PSD3: variants seen among roughly 807,000 people sequenced by gnomAD.
The protein encoded by PSD3 is PH and SEC7 domain-containing protein 3.
Under a neutral mutation model 105.5 loss-of-function variants are expected in PSD3, and 49 were observed. That is an observed-to-expected ratio of 0.46 (90% CI 0.37 to 0.59). PSD3 has a LOEUF of 0.59. PSD3 is among the 20% of genes least tolerant of loss of function. The pLI is 0.00. For synonymous variants in PSD3, 557 were observed against 457.8 expected (o/e 1.22, Z -2.77); for missense variants, 1,561 against 1,263.8 (o/e 1.24, Z -3.57).
chr8:18,795,903 G>C (rs1429059541), intron 8 of PSD3, among the ~76,000 whole-genome samples: 2 of 152,214 alleles, frequency 1.3e-5, no homozygotes, highest in East Asian at 1.9e-4. Context: ...ATAAAACTTA[G>C]TTCCAATATA....
At chr8:18,916,878 G>A (rs185648990) in intron 2 of PSD3, among the ~76,000 whole-genome samples, 395 of 151,040 alleles carry the variant, frequency 2.6e-3, no homozygotes, top group Non-Finnish European at 4.7e-3. Context: ...TAATAAAGCT[G>A]AAGGAAATGA....
At chr8:18,852,519 T>C (rs1319500429) in intron 4 of PSD3, among the ~76,000 whole-genome samples, 6 of 152,214 alleles carry the variant, frequency 3.9e-5, no homozygotes, top group Non-Finnish European at 8.8e-5. Context: ...CTGCTCCCCA[T>C]ATTTATGAAA....
chr8:18,639,497 A>C (rs139517494), intron 10 of PSD3, among the ~76,000 whole-genome samples: 3 of 152,284 alleles, frequency 2.0e-5, no homozygotes, highest in African/African-American at 7.2e-5. Context: ...TCCAGCATTT[A>C]GGAATATGAC....
chr8:18,533,307 G>A lies in PSD3; in HGVS notation c.*2436C>T, dbSNP rs951915157. The A allele has an allele frequency of 3.3e-5, 5 of 152,176 alleles. No individual in the cohort carries two copies. The highest frequency in any genetic ancestry group is 1.2e-4 in the African/African-American group (5 of 41,432). 9.4% of individuals were successfully genotyped at this position (152,176 alleles called of 1,614,324 possible). On this transcript the variant is annotated 3_prime_UTR_variant, in exon 16 of 16. Coordinates refer to ENST00000327040, the MANE Select transcript of PSD3 (RefSeq NM_015310.4). ...AGATGGACAGCATCATGCTACGGCA[G>A]TCTGAGATCCTGGCTCACAAAAGAA... is the stretch of plus-strand genomic sequence containing the variant.
intron 4 of PSD3, among the ~76,000 whole-genome samples, chr8:18,845,579 CCCT>C (rs1398748476): frequency 6.6e-6 from 1 of 152,204 alleles, no homozygotes; most frequent in Non-Finnish European, 1.5e-5. Context: ...CTCTTTCACT[CCCT>C]CTTCTCCCTC....
intron 12 of PSD3, among the ~76,000 whole-genome samples, chr8:18,592,099 A>G (rs1446089986): frequency 6.6e-6 from 1 of 152,208 alleles, no homozygotes; most frequent in Non-Finnish European, 1.5e-5. Context: ...AAACAAAGGT[A>G]TAAGAATTAC....
In PSD3 at chr8:18,534,688, A is replaced by C. The variant is rs537004653; in HGVS notation, c.*1055T>G. ...ATATCCATCGTGGACAACTGCAGCTACGTTTTCCTTCCTTATTTTGTCTTA... is the reference window on the plus strand; with the variant it reads ...ATATCCATCGTGGACAACTGCAGCTCCGTTTTCCTTCCTTATTTTGTCTTA... On this transcript the variant is annotated 3_prime_UTR_variant, in exon 16 of 16. Coordinates refer to ENST00000327040, the MANE Select transcript of PSD3 (RefSeq NM_015310.4). 15 of 152,386 alleles carry C rather than the reference A, an allele frequency of 9.8e-5. No homozygotes were observed. The highest frequency in any genetic ancestry group is 4.1e-4 in the South Asian group (2 of 4,822). The allele number at this position is 152,386 out of a possible 1,614,324, so 9.4% of individuals were successfully genotyped here.
rs772011734 is a variant in PSD3 at position 18,683,825 on chromosome 8, T to C, written c.2173-28140A>G. 13 of 765,226 alleles carry C rather than the reference T, an allele frequency of 1.7e-5. No homozygotes were observed. In the East Asian group the frequency reaches 1.9e-4, roughly 11 times the overall value. The allele number at this position is 765,226 out of a possible 1,614,324, so 47.4% of individuals were successfully genotyped here. The stretch of plus-strand genomic sequence containing the variant: ...AGGAGTTGGAAATTTTCATGGACTT[T>C]GACCTGTGAGACTGCCGCCGGATAG... On this transcript the variant is annotated intron_variant, in intron 9 of 15. Transcript: ENST00000327040.
At chr8:18,970,106 A>C (rs1824537865) in intron 1 of PSD3, among the ~76,000 whole-genome samples, 1 of 151,834 alleles carries the variant, frequency 6.6e-6, no homozygotes, top group East Asian at 1.9e-4. Flanking sequence ...TGGGCGGATC[A>C]CGAGGTCAGG....
At chr8:18,537,359 T>C (rs1465562374) in intron 15 of PSD3, among the ~76,000 whole-genome samples, 1 of 152,232 alleles carries the variant, frequency 6.6e-6, no homozygotes, top group Non-Finnish European at 1.5e-5. Flanking sequence ...CCCACGGCTC[T>C]TAAGCTATAT....
In PSD3 at chr8:18,874,702, C is replaced by CAAAA. The variant is rs746055038; in HGVS notation, c.131-1973_131-1970dup. Among the ~76,000 whole-genome samples the CAAAA allele has an allele frequency of 2.8e-4, 15 of 52,806 alleles. 1 individual carries two copies. Among genetic ancestry groups the CAAAA allele is most frequent in the South Asian group, 1.4e-3 (2 of 1,414 alleles). 34.6% of individuals were successfully genotyped at this position (52,806 alleles called of 152,430 possible). A position where few individuals can be genotyped will look rare whatever the true frequency, so the allele number is the denominator to read the frequency against. On this transcript the variant is annotated intron_variant, in intron 2 of 15. Transcript: ENST00000327040. ...TGGGTGACAGAGCAAGACTCCATCTCAAAAAAAAAAAAAAAAAAAAAAATT... is the reference window on the plus strand; with the variant it reads ...TGGGTGACAGAGCAAGACTCCATCTCAAAAAAAAAAAAAAAAAAAAAAAAAAATT...
intron 8 of PSD3, among the ~76,000 whole-genome samples, chr8:18,784,771 G>A (rs1372109631): frequency 1.3e-5 from 2 of 152,196 alleles, no homozygotes; most frequent in East Asian, 3.9e-4. Context: ...TCCCTGTGAT[G>A]TTGGGATGCC....
intron 8 of PSD3, among the ~76,000 whole-genome samples, chr8:18,787,468 T>C (rs1330454627): frequency 6.6e-6 from 1 of 151,920 alleles, no homozygotes; most frequent in Non-Finnish European, 1.5e-5. Context: ...TTAAAAAATA[T>C]CAAATAACAA....
intron 2 of PSD3, among the ~76,000 whole-genome samples, chr8:18,919,196 T>C (rs1339479500): frequency 6.6e-6 from 1 of 152,194 alleles, no homozygotes; most frequent in South Asian, 2.1e-4. Flanking sequence ...CAGCTTCTTC[T>C]AGCAGTGTTT....
At chr8:18,632,935 A>G in intron 10 of PSD3, 129 bp from the exon 11 acceptor site, 1 of 690,636 alleles carries the variant, frequency 1.4e-6, no homozygotes, top group East Asian at 2.8e-5. Context: ...CACCATGATA[A>G]TGACAGACAC....
chr8:18,855,044 G>A (rs886575242), intron 4 of PSD3, among the ~76,000 whole-genome samples: 5 of 152,278 alleles, frequency 3.3e-5, no homozygotes, highest in African/African-American at 9.6e-5. Context: ...CCTAACCAAT[G>A]GATGCCAGAG....
chr8:19,069,241 A>C (rs921142803), intron 1 of PSD3, among the ~76,000 whole-genome samples: 1 of 152,208 alleles, frequency 6.6e-6, no homozygotes, highest in African/African-American at 2.4e-5. Flanking sequence ...GAGTTTTAAA[A>C]TCTAATATAA....
At chr8:18,741,174 TTACAGG>T in intron 9 of PSD3, among the ~76,000 whole-genome samples, 1 of 152,294 alleles carries the variant, frequency 6.6e-6, no homozygotes, top group East Asian at 1.9e-4. Flanking sequence ...GGAAGGACAC[TTACAGG>T]TACGAGTTAC....
intron 9 of PSD3, among the ~76,000 whole-genome samples, chr8:18,701,829 T>C (rs143888097): frequency 6.6e-6 from 1 of 152,308 alleles, no homozygotes; most frequent in Non-Finnish European, 1.5e-5. Flanking sequence ...AAAATCTACG[T>C]ACAAAGTAGA....
Sources: allele counts gnomAD v4.1 joint callset (sites outside exome capture counted in the v4.1 genomes callset), GRCh38; gene constraint gnomAD v4.1.1; transcripts MANE v1.5; gene names NCBI Gene and HGNC (gene_info 2026-07-23, HGNC 2026-07-21).